NMD3: variants seen among roughly 807,000 people sequenced by gnomAD.
NMD3 encodes the protein 60S ribosomal export protein NMD3.
A neutral mutation model predicts 73.1 loss-of-function variants in NMD3; 47 were observed. The ratio of observed to expected loss-of-function variants is 0.64; its 90% CI spans 0.51 to 0.82. NMD3 has a LOEUF of 0.82. Ranked by LOEUF, NMD3 falls within the 40% of genes least tolerant of loss-of-function variation. The pLI, the probability that NMD3 is intolerant of heterozygous loss-of-function variation, is 0.00. For missense variants in NMD3, 554 were observed against 612.5 expected, an observed-to-expected ratio of 0.90 and a Z score of 1.01; for synonymous variants, 210 against 194.5, an observed-to-expected ratio of 1.08 and a Z score of -0.66.
At chr3:161,237,170 A>C (rs1736789513) in intron 7 of NMD3, among the ~76,000 whole-genome samples, 1 of 152,126 alleles carries the variant, frequency 6.6e-6, no homozygotes, top group Admixed American at 6.5e-5. Context: ...TGTTGTCTTT[A>C]GTAATTTCTA....
At chr3:161,250,674 A>C in intron 15 of NMD3, 106 bp from the exon 16 acceptor site, 2 of 685,156 alleles carry the variant, frequency 2.9e-6, no homozygotes, top group Non-Finnish European at 2.3e-6. Context: ...ATGTAGTTAC[A>C]TAATAATAAT....
At chr3:161,249,407 C>T (rs745357789) in intron 13 of NMD3, 47 bp from the exon 14 acceptor site, 3 of 1,262,600 alleles carry the variant, frequency 2.4e-6, no homozygotes, top group Non-Finnish European at 3.4e-6. Context: ...TGTGGCCTCA[C>T]TGTATAGTTC....
chr3:161,244,434 A>C (rs1319120904), intron 11 of NMD3, among the ~76,000 whole-genome samples: 1 of 152,172 alleles, frequency 6.6e-6, no homozygotes, highest in East Asian at 1.9e-4. Flanking sequence ...TGGCCTATGC[A>C]TAAATTATTA....
At chr3:161,221,919 AGAG>A in intron 1 of NMD3, 72 bp from the exon 2 acceptor site, 2 of 926,196 alleles carry the variant, frequency 2.2e-6, no homozygotes, top group South Asian at 3.2e-5. Context: ...AGACGTAAAA[AGAG>A]GAGACTAGGT....
In NMD3 at chr3:161,233,429, A is replaced by T. The variant is rs1355849177; in HGVS notation, c.307A>T (p.Thr103Ser). The change falls in exon 5 of 16, where the codon ACT (threonine) becomes TCT (serine). Residue 103 changes from threonine to serine, a missense_variant. Transcript: ENST00000351193. ...GCTTGTAGATGCAGGCTTTGTTTGGACTGAGCCTCATTCTAAGAGACTTAA... is the reference window on the plus strand; with the variant it reads ...GCTTGTAGATGCAGGCTTTGTTTGGTCTGAGCCTCATTCTAAGAGACTTAA... ...VRLVDAGFVW[T>S]EPHSKRLKVK... The T allele has an allele frequency of 6.2e-7, 1 of 1,609,388 alleles. No homozygotes were observed. Among genetic ancestry groups the T allele is most frequent in the African/African-American group, 1.3e-5 (1 of 74,596 alleles).
chr3:161,250,867 C>A lies in NMD3; in HGVS notation c.1469C>A (p.Ser490Tyr). Residue 490 changes from serine to tyrosine, a missense_variant, in exon 16 of 16, where the codon TCC becomes TAC. Coordinates refer to ENST00000351193, the MANE Select transcript of NMD3 (RefSeq NM_015938.5). ...GAGATGCTTGAAGACCTTCATATTT[C>A]CCAAGATGCCACTGGTGAAGAAGGT... ...LAEMLEDLHI[S>Y]QDATGEEGAS... The A allele has an allele frequency of 6.2e-7, 1 of 1,612,632 alleles. No homozygotes were observed. Among genetic ancestry groups the A allele is most frequent in the Non-Finnish European group, 8.5e-7 (1 of 1,178,842 alleles).
At chr3:161,224,074 C>T (rs1180346686) in intron 2 of NMD3, among the ~76,000 whole-genome samples, 1 of 152,072 alleles carries the variant, frequency 6.6e-6, no homozygotes, top group East Asian at 1.9e-4. Context: ...AATTATATTT[C>T]AGTATCTAAA....
At chr3:161,249,582 C>A in intron 14 of NMD3, 22 bp downstream of exon 14, 1 of 1,360,988 alleles carries the variant, frequency 7.3e-7, no homozygotes, top group Non-Finnish European at 1.0e-6. Context: ...CTTTAAATCT[C>A]TTATGTTGTC....
chr3:161,234,174 C>T (rs1736651317), intron 5 of NMD3, among the ~76,000 whole-genome samples: 2 of 151,612 alleles, frequency 1.3e-5, no homozygotes, highest in South Asian at 4.2e-4. Context: ...TCTATGTAAA[C>T]ATGTATAGGC....
At position 161,237,458 on chromosome 3, in the gene NMD3, T is replaced by A. The variant is rs983015532; in HGVS notation, c.578-655T>A. On this transcript the variant is annotated intron_variant, in intron 7 of 15. Transcript: ENST00000351193. ...TTAATTTTTTCTTTTCTTTTTCTAG[T>A]ACTTTTTGTTTTCTATCTCTCAGAT... Among the ~76,000 whole-genome samples, 4 of 152,082 alleles carry A rather than the reference T, an allele frequency of 2.6e-5. No homozygotes were observed. The East Asian group carries it at 7.7e-4, about 29-fold the overall frequency.
rs767850393 is a variant in NMD3, at chr3:161,221,381, C to G, written c.-49C>G. 3 of 152,312 alleles carry G rather than the reference C, an allele frequency of 2.0e-5. No individual in the cohort carries two copies. Among genetic ancestry groups the G allele is most frequent in the Non-Finnish European group, 4.4e-5 (3 of 68,096 alleles). 9.4% of individuals were successfully genotyped at this position (152,312 alleles called of 1,614,324 possible). A position where few individuals can be genotyped will look rare whatever the true frequency, so the allele number is the denominator to read the frequency against. On this transcript the variant is annotated 5_prime_UTR_variant, in exon 1 of 16. Coordinates refer to ENST00000351193, the MANE Select transcript of NMD3 (RefSeq NM_015938.5). ...GGTCTATTTTGTTGCGGGTTTTCAGCAAATCCAGGGCTGGTCTGGAGGCGC... is the reference window on the plus strand; with the variant it reads ...GGTCTATTTTGTTGCGGGTTTTCAGGAAATCCAGGGCTGGTCTGGAGGCGC...
chr3:161,251,104 A>G lies in NMD3; in HGVS notation c.*194A>G, dbSNP rs1487092084. 4 of 439,508 alleles carry G rather than the reference A, an allele frequency of 9.1e-6. No individual in the cohort carries two copies. Among genetic ancestry groups the G allele is most frequent in the East Asian group, 3.7e-5 (1 of 27,252 alleles). 27.2% of individuals were successfully genotyped at this position (439,508 alleles called of 1,614,324 possible). ...GCTTTGAGGTTTTAGATAAGGAAAG[A>G]TTATGGAGAATGTAGTTGTTATTGA... On this transcript the variant is annotated 3_prime_UTR_variant, in exon 16 of 16. Coordinates refer to ENST00000351193, the MANE Select transcript of NMD3 (RefSeq NM_015938.5).
rs1052400009 is a variant in NMD3, at chr3:161,251,779, G to C, written c.*869G>C. ...ATTAGAATCCAGCATGAAGATAATG[G>C]CTAATAAAAATGAGGTACATACTTT... is the stretch of plus-strand genomic sequence containing the variant. On this transcript the variant is annotated 3_prime_UTR_variant, in exon 16 of 16. Transcript: ENST00000351193. 2 of 152,254 alleles carry C rather than the reference G, an allele frequency of 1.3e-5. No homozygotes were observed. The highest frequency in any genetic ancestry group is 2.4e-5 in the African/African-American group (1 of 41,566). 9.4% of individuals were successfully genotyped at this position (152,254 alleles called of 1,614,324 possible).
At chr3:161,252,657 C>T (rs1017302971), downstream of NMD3, 4 of 510,410 alleles carry the variant, frequency 7.8e-6, no homozygotes, top group Non-Finnish European at 1.4e-5. Context: ...TAGTCATATC[C>T]CAAAGTTGTT....
intron 3 of NMD3, among the ~76,000 whole-genome samples, chr3:161,225,458 A>G (rs551581762): frequency 1.3e-4 from 20 of 152,292 alleles, no homozygotes; most frequent in African/African-American, 4.8e-4. Context: ...TAATTTAGTA[A>G]TATGTTTTAA....
chr3:161,238,677 A>C, intron 8 of NMD3, 53 bp from the exon 9 acceptor site: 1 of 863,986 alleles, frequency 1.2e-6, no homozygotes, highest in Non-Finnish European at 2.0e-6. Context: ...TCCTGAGTCC[A>C]TACAGGTTAA....
In NMD3 at chr3:161,251,909, A is replaced by G. The variant is rs548846332; in HGVS notation, c.*999A>G. ...TTCTGAGAATGAAGTATTAAGATCC[A>G]ATTTCTATAAGCAAGATCAGACTTG... On this transcript the variant is annotated 3_prime_UTR_variant, in exon 16 of 16. Coordinates refer to ENST00000351193, the MANE Select transcript of NMD3 (RefSeq NM_015938.5). 6.6e-5 allele frequency: 10 copies of G among 152,346 alleles called. No homozygotes were observed. In the South Asian group the frequency reaches 2.1e-3, roughly 32 times the overall value. The allele number at this position is 152,346 out of a possible 1,614,324, so 9.4% of individuals were successfully genotyped here. A position where few individuals can be genotyped will look rare whatever the true frequency, so the allele number is the denominator to read the frequency against.
At chr3:161,237,558 G>A (rs979385598) in intron 7 of NMD3, among the ~76,000 whole-genome samples, 7 of 41,854 alleles carry the variant, frequency 1.7e-4, no homozygotes, top group African/African-American at 5.2e-4. Context: ...TTTTTTTTTT[G>A]ACATGAAGTC....
intron 14 of NMD3, chr3:161,249,837 T>C (rs1737408758): frequency 2.2e-6 from 1 of 460,382 alleles, no homozygotes; most frequent in African/African-American, 2.0e-5. Flanking sequence ...TGCTTAACAA[T>C]GGGCATACCT....
Sources: allele counts gnomAD v4.1 joint callset (sites outside exome capture counted in the v4.1 genomes callset), GRCh38; gene constraint gnomAD v4.1.1; transcripts MANE v1.5; gene names NCBI Gene and HGNC (gene_info 2026-07-23, HGNC 2026-07-21).